The following ADGRA3 variants were observed in gnomAD, a reference collection of about 807,000 sequenced individuals.
ADGRA3 encodes the protein adhesion G protein-coupled receptor A3, also known as G-protein coupled receptor 125.
ADGRA3 carries 56 observed loss-of-function variants against 119.8 expected under a neutral mutation model. That is an observed-to-expected ratio of 0.47 (90% confidence interval 0.38 to 0.58). ADGRA3 has a LOEUF of 0.58. Among genes scored for constraint, ADGRA3 ranks in the 20% least tolerant of loss-of-function variants. ADGRA3 has a pLI of 0.00. For missense variants in ADGRA3, 1,516 were observed against 1,649.0 expected (o/e 0.92, Z 1.40); for synonymous variants, 607 against 623.8 (o/e 0.97, Z 0.40).
At chr4:22,433,401 G>A (rs909657840) in intron 10 of ADGRA3, among the ~76,000 whole-genome samples, 9 of 152,120 alleles carry the variant, frequency 5.9e-5, no homozygotes, top group East Asian at 1.9e-4. Context: ...AAAACTGTTC[G>A]CCTGTATTTG....
At chr4:22,459,897 C>T (rs1458266346) in intron 3 of ADGRA3, among the ~76,000 whole-genome samples, 1 of 151,828 alleles carries the variant, frequency 6.6e-6, no homozygotes, top group Non-Finnish European at 1.5e-5. Flanking sequence ...CTGGTAGCCC[C>T]GCACTGTCAA....
intron 1 of ADGRA3, among the ~76,000 whole-genome samples, chr4:22,488,658 T>G (rs1234641110): frequency 6.6e-6 from 1 of 152,132 alleles, no homozygotes; most frequent in Non-Finnish European, 1.5e-5. Context: ...TTTAAGGACA[T>G]GGGGCTATCA....
chr4:22,394,024 T>C (rs1488166333), intron 16 of ADGRA3: 2 of 152,198 alleles, frequency 1.3e-5, no homozygotes, highest in African/African-American at 4.8e-5. Context: ...AATTTTAGTT[T>C]AAGAAAAGTA....
At chr4:22,425,956 A>G (rs945713684) in intron 10 of ADGRA3, among the ~76,000 whole-genome samples, 1 of 152,214 alleles carries the variant, frequency 6.6e-6, no homozygotes, top group Non-Finnish European at 1.5e-5. Flanking sequence ...ACCTCTTGGT[A>G]TCTCCACTTC....
In ADGRA3 at chr4:22,506,368, T is replaced by C. The variant is rs4697313; in HGVS notation, c.257+9160A>G. ...AGGAGTTCAAGACCAACCTAGCCAA[T>C]GTGGAGAAAACCCATCTCTAGCAAA... On this transcript the variant is annotated intron_variant, in intron 1 of 18. Transcript: ENST00000334304. Among the ~76,000 whole-genome samples, 1,192 of 151,994 alleles carry C rather than the reference T, an allele frequency of 7.8e-3. 43 individuals carry two copies. The highest frequency in any genetic ancestry group is 0.062 in the Admixed American group (952 of 15,262).
At position 22,413,775 on chromosome 4, in the gene ADGRA3, G is replaced by A. The variant is rs955891778; in HGVS notation, c.1849C>T (p.Leu617Phe). The part of the protein sequence containing the change: ...VEASIQLPPS[L>F]FSPKQKRELR... ...TCTCTTTTTTGCTTTGGTGAGAAAAGGGAAGGAGGAAGCTGAATAGAAGCC... is the reference window on the plus strand; with the variant it reads ...TCTCTTTTTTGCTTTGGTGAGAAAAAGGAAGGAGGAAGCTGAATAGAAGCC... The change falls in exon 13 of 19, where the codon CTT (leucine) becomes TTT (phenylalanine). Residue 617 changes from leucine (L) to phenylalanine (F), a missense_variant. Physicochemically the swap from Leu to Phe is conservative, Grantham distance 22 (BLOSUM62 0). This residue lies in a region of ADGRA3 where 1,088 missense variants were observed against 1,107.1 expected (regional missense o/e 0.98). Coordinates refer to ENST00000334304, the MANE Select transcript of ADGRA3 (RefSeq NM_145290.4). The A allele has an allele frequency of 1.9e-6, 3 of 1,613,750 alleles. No homozygotes were observed. The highest frequency in any genetic ancestry group is 2.5e-6 in the Non-Finnish European group (3 of 1,179,856).
At chr4:22,512,628 A>C (rs1010438250) in intron 1 of ADGRA3, among the ~76,000 whole-genome samples, 1 of 152,148 alleles carries the variant, frequency 6.6e-6, no homozygotes, top group Middle Eastern at 3.2e-3. Flanking sequence ...ACAGACACAC[A>C]GGGAGAAGGC....
At chr4:22,503,129 A>G (rs889278026) in intron 1 of ADGRA3, among the ~76,000 whole-genome samples, 2 of 152,188 alleles carry the variant, frequency 1.3e-5, no homozygotes, top group African/African-American at 4.8e-5. Context: ...CCAGCCTAAC[A>G]CTGTCCACTG....
At chr4:22,469,146 G>A (rs771596988) in intron 2 of ADGRA3, among the ~76,000 whole-genome samples, 10 of 151,972 alleles carry the variant, frequency 6.6e-5, no homozygotes, top group African/African-American at 2.4e-4. Flanking sequence ...ACCTCCCTCT[G>A]TTCTGTGCTT....
At chr4:22,482,995 T>A (rs1312185667) in intron 1 of ADGRA3, among the ~76,000 whole-genome samples, 4 of 152,192 alleles carry the variant, frequency 2.6e-5, no homozygotes, top group Non-Finnish European at 5.9e-5. Context: ...AGCACAGCAG[T>A]GGTAGCGGGG....
chr4:22,444,872 G>C, intron 6 of ADGRA3, 101 bp downstream of exon 6: 1 of 1,185,964 alleles, frequency 8.4e-7, no homozygotes, highest in African/African-American at 1.5e-5. Flanking sequence ...CTGCATACTA[G>C]TTCTGTCCAA....
Position 22,436,640 on chromosome 4 carries a change from A to C in ADGRA3, c.1087T>G (p.Trp363Gly). The change falls in exon 9 of 19, where the codon TGG becomes GGG. Residue 363 changes from tryptophan (W) to glycine (G), a missense_variant and splice_region_variant. Around this residue, in one of 2 missense-constraint regions of ADGRA3, gnomAD observed 428 missense variants for 541.9 expected, o/e 0.79. Coordinates refer to ENST00000334304, the MANE Select transcript of ADGRA3 (RefSeq NM_145290.4). ...GTAATGCCTGCCAATGTTCTGGGCC[A>C]TCTAGAGATGAAGACAAAATAGTAC... The part of the protein sequence containing the change: ...RVVNNKGDFR[W>G]PRTLAGITAY... 6.2e-7 allele frequency: 1 copy of C among 1,613,672 alleles called. No individual in the cohort carries two copies. Among genetic ancestry groups the C allele is most frequent in the Non-Finnish European group, 8.5e-7 (1 of 1,179,634 alleles).
intron 17 of ADGRA3, among the ~76,000 whole-genome samples, chr4:22,390,379 TAATACGTATTATATATATATATAA>T (rs1560292278): frequency 0.15 from 2,008 of 13,248 alleles, 21 homozygotes; most frequent in Non-Finnish European, 0.25. Flanking sequence ...TATATATATA[TAATACGTATTATATATATATATAA>T]AATACGTATT....
At chr4:22,470,724 C>T (rs1404795064) in intron 2 of ADGRA3, among the ~76,000 whole-genome samples, 1 of 152,202 alleles carries the variant, frequency 6.6e-6, no homozygotes, top group African/African-American at 2.4e-5. Flanking sequence ...AGGTGGAATT[C>T]TCCCAGACAA....
At chr4:22,489,103 C>T (rs1019440103) in intron 1 of ADGRA3, among the ~76,000 whole-genome samples, 2 of 152,116 alleles carry the variant, frequency 1.3e-5, no homozygotes, top group Non-Finnish European at 2.9e-5. Context: ...TTCCACATGG[C>T]TGGGGAGGCC....
intron 6 of ADGRA3, among the ~76,000 whole-genome samples, chr4:22,444,243 T>C (rs1716741911): frequency 6.6e-6 from 1 of 152,188 alleles, no homozygotes; most frequent in African/African-American, 2.4e-5. Context: ...GATCATTTCC[T>C]AAGAATTAAC....
chr4:22,435,761 C>T (rs1334312831), intron 9 of ADGRA3, among the ~76,000 whole-genome samples: 1 of 152,140 alleles, frequency 6.6e-6, no homozygotes, highest in East Asian at 1.9e-4. Flanking sequence ...CTACACATAC[C>T]TCAACTCCAA....
chr4:22,462,831 C>T (rs1717514784), intron 2 of ADGRA3, among the ~76,000 whole-genome samples: 1 of 152,224 alleles, frequency 6.6e-6, no homozygotes, highest in Non-Finnish European at 1.5e-5. Flanking sequence ...CATCCCTCTA[C>T]TCCTGTGGTT....
intron 17 of ADGRA3, among the ~76,000 whole-genome samples, chr4:22,392,299 T>C (rs1405175887): frequency 6.6e-6 from 1 of 152,182 alleles, no homozygotes; most frequent in Non-Finnish European, 1.5e-5. Flanking sequence ...CATTTATTCC[T>C]CACAACTCGA....
Sources: allele counts gnomAD v4.1 joint callset (sites outside exome capture counted in the v4.1 genomes callset), GRCh38; gene constraint gnomAD v4.1.1; regional missense constraint gnomAD v4.1.1; transcripts MANE v1.5; gene names NCBI Gene and HGNC (gene_info 2026-07-23, HGNC 2026-07-21).